SMC5: variants seen among roughly 807,000 people sequenced by gnomAD.
SMC5 encodes the protein structural maintenance of chromosomes protein 5.
A neutral mutation model predicts 148.3 loss-of-function variants in SMC5; 88 were observed. That is an observed-to-expected ratio of 0.59 (90% confidence interval 0.50 to 0.71). SMC5 has a LOEUF of 0.71. Ranked by LOEUF, SMC5 falls within the 30% of genes least tolerant of loss-of-function variation. SMC5 has a pLI of 0.00. For missense variants in SMC5, 1,142 were observed against 1,298.9 expected (o/e 0.88, Z 1.86); for synonymous variants, 421 against 432.8 (o/e 0.97, Z 0.34).
chr9:70,279,683 G>C (rs1003714668), intron 5 of SMC5, among the ~76,000 whole-genome samples: 1 of 152,016 alleles, frequency 6.6e-6, no homozygotes, highest in Non-Finnish European at 1.5e-5. Context: ...CGGGTGTGAT[G>C]GTGGGCGCCT....
At chr9:70,325,691 T>A (rs2036060181) in intron 17 of SMC5, among the ~76,000 whole-genome samples, 2 of 152,158 alleles carry the variant, frequency 1.3e-5, no homozygotes, top group African/African-American at 4.8e-5. Context: ...CTAAAGCACA[T>A]TTCTCTGAAA....
intron 18 of SMC5, 182 bp from the exon 19 acceptor site, chr9:70,346,423 G>A: frequency 1.6e-6 from 1 of 638,218 alleles, no homozygotes; most frequent in Non-Finnish European, 2.7e-6. Flanking sequence ...AAAAAAAAAA[G>A]TATATGTTCT....
chr9:70,310,179 C>G (rs1332578524), intron 11 of SMC5, among the ~76,000 whole-genome samples: 1 of 152,134 alleles, frequency 6.6e-6, no homozygotes, highest in Non-Finnish European at 1.5e-5. Flanking sequence ...TTTTTGTTTA[C>G]TTTGCCCAGA....
chr9:70,297,884 T>G, intron 8 of SMC5, 82 bp from the exon 9 acceptor site: 1 of 1,459,166 alleles, frequency 6.9e-7, no homozygotes, highest in African/African-American at 1.4e-5. Flanking sequence ...ATTGTTTGCA[T>G]GTTAAAAACT....
intron 17 of SMC5, among the ~76,000 whole-genome samples, chr9:70,335,956 G>A (rs1044296600): frequency 3.9e-5 from 6 of 152,038 alleles, no homozygotes; most frequent in East Asian, 1.9e-4. Flanking sequence ...CCATGTGTCC[G>A]CTACCCCTCT....
intron 3 of SMC5, among the ~76,000 whole-genome samples, chr9:70,274,440 G>A (rs1273194487): frequency 2.0e-5 from 3 of 149,546 alleles, no homozygotes; most frequent in East Asian, 3.9e-4. Context: ...CTTAAAGTCC[G>A]TTTAGTTTGC....
At chr9:70,324,804 A>G (rs1345268803) in intron 17 of SMC5, among the ~76,000 whole-genome samples, 2 of 152,162 alleles carry the variant, frequency 1.3e-5, no homozygotes, top group East Asian at 1.9e-4. Flanking sequence ...TCGAGAAAGC[A>G]CTATTCTTAA....
intron 10 of SMC5, among the ~76,000 whole-genome samples, chr9:70,301,207 T>C (rs1461079207): frequency 6.6e-6 from 1 of 152,168 alleles, no homozygotes; most frequent in Non-Finnish European, 1.5e-5. Context: ...AAAGTTATAA[T>C]GCAGGTGTAA....
intron 11 of SMC5, among the ~76,000 whole-genome samples, chr9:70,309,988 A>G (rs1228342936): frequency 2.0e-5 from 3 of 152,166 alleles, no homozygotes; most frequent in African/African-American, 4.8e-5. Flanking sequence ...CTGGGATTAC[A>G]GGTATGCGCC....
chr9:70,298,038 A>G lies in SMC5; in HGVS notation c.1126A>G (p.Thr376Ala). The G allele has an allele frequency of 6.2e-7, 1 of 1,614,030 alleles. No individual in the cohort carries two copies. Among genetic ancestry groups the G allele is most frequent in the Non-Finnish European group, 8.5e-7 (1 of 1,179,936 alleles). Residue 376 changes from threonine (T) to alanine (A), a missense_variant, in exon 9 of 25, where the codon ACC becomes GCC. Around this residue, in one of 5 missense-constraint regions of SMC5, gnomAD observed 743 missense variants for 835.7 expected, o/e 0.89. Transcript: ENST00000361138. ...ELDRQRRIGN[T>A]RKMIEDLQNE... Reference sequence around the variant, plus strand: ...TGACCGACAGAGGAGAATAGGTAATACCCGCAAAATGATAGAGGATTTGCA... The same window carrying G: ...TGACCGACAGAGGAGAATAGGTAATGCCCGCAAAATGATAGAGGATTTGCA...
At chr9:70,330,807 G>C (rs1024928941) in intron 17 of SMC5, among the ~76,000 whole-genome samples, 9 of 151,974 alleles carry the variant, frequency 5.9e-5, no homozygotes, top group Non-Finnish European at 1.3e-4. Context: ...GCCTCCCAAA[G>C]GCTAGGTTTA....
Position 70,347,929 on chromosome 9 carries a change from G to A in SMC5, c.2780G>A (p.Arg927Lys), listed in dbSNP as rs778093200. Residue 927 changes from arginine to lysine, a missense_variant, in exon 22 of 25, where the codon AGG becomes AAG. This residue lies in a region of SMC5 where 743 missense variants were observed against 835.7 expected (regional missense o/e 0.89). Coordinates refer to ENST00000361138, the MANE Select transcript of SMC5 (RefSeq NM_015110.4). ...YRENISQVKERWLNPLKELVE... is the reference protein window; with the variant it reads ...YRENISQVKEKWLNPLKELVE... ...TGCCTTTATTTGTAGGTAAAAGAAA[G>A]GTGGCTTAATCCTTTAAAAGAGCTG... 6.3e-7 allele frequency: 1 copy of A among 1,586,282 alleles called. No individual in the cohort carries two copies. Among genetic ancestry groups the A allele is most frequent in the Admixed American group, 1.8e-5 (1 of 54,380 alleles).
At chr9:70,318,740 A>C (rs2035872414) in intron 14 of SMC5, 53 bp downstream of exon 14, 2 of 1,557,252 alleles carry the variant, frequency 1.3e-6, no homozygotes, top group Non-Finnish European at 1.7e-6. Flanking sequence ...GATTTCTAAT[A>C]GTTTCACTGG....
chr9:70,276,217 C>G (rs2034589014), intron 3 of SMC5, among the ~76,000 whole-genome samples: 1 of 152,216 alleles, frequency 6.6e-6, no homozygotes. Flanking sequence ...ATATGGCTTT[C>G]TATTGGACTG....
rs140908549 is a variant in SMC5 at position 70,331,519 on chromosome 9, C to T, written c.2397+7376C>T. On this transcript the variant is annotated intron_variant, in intron 17 of 24. Coordinates refer to ENST00000361138, the MANE Select transcript of SMC5 (RefSeq NM_015110.4). ...TATGGTTATGGGTTTTTTTTTTAAGCCTTTATCTTTTAAAGATACATTGCC... is the reference window on the plus strand; with the variant it reads ...TATGGTTATGGGTTTTTTTTTTAAGTCTTTATCTTTTAAAGATACATTGCC... Among the ~76,000 whole-genome samples the T allele has an allele frequency of 4.0e-3, 598 of 149,872 alleles. 3 individuals are homozygous for T. Among genetic ancestry groups the T allele is most frequent in the African/African-American group, 0.014 (553 of 40,748 alleles).
rs755135248 is a variant in SMC5, at chr9:70,350,080, A to G, written c.2890-34A>G. On this transcript the variant is annotated intron_variant, in intron 22 of 24. Transcript: ENST00000361138. ...TAATAGAATGACATTACCAGAGGAA[A>G]CTCATTTTTCATCACTTTTTAAATG... 1.6e-5 allele frequency: 24 copies of G among 1,477,404 alleles called. 1 individual carries two copies. In the South Asian group the frequency reaches 2.9e-4, roughly 18 times the overall value. The allele number at this position is 1,477,404 out of a possible 1,614,324, so 91.5% of individuals were successfully genotyped here.
At chr9:70,276,315 G>A (rs536521407) in intron 3 of SMC5, among the ~76,000 whole-genome samples, 3 of 152,310 alleles carry the variant, frequency 2.0e-5, no homozygotes, top group South Asian at 2.1e-4. Context: ...TTGATTGGGC[G>A]AATGCCTTCA....
intron 22 of SMC5, 96 bp downstream of exon 22, chr9:70,348,134 T>G (rs1259416770): frequency 2.5e-6 from 3 of 1,191,164 alleles, no homozygotes; most frequent in Middle Eastern, 3.0e-4. Context: ...TTGAGTTATA[T>G]CTGTGAAAAG....
chr9:70,282,789 A>G (rs1472523831), intron 7 of SMC5, among the ~76,000 whole-genome samples: 2 of 152,208 alleles, frequency 1.3e-5, no homozygotes, highest in African/African-American at 4.8e-5. Flanking sequence ...CTTCCAAGAT[A>G]TAAAGAGAGA....
Sources: allele counts gnomAD v4.1 joint callset (sites outside exome capture counted in the v4.1 genomes callset), GRCh38; gene constraint gnomAD v4.1.1; regional missense constraint gnomAD v4.1.1; transcripts MANE v1.5; gene names NCBI Gene and HGNC (gene_info 2026-07-23, HGNC 2026-07-21).